ARHGEF12: variants seen among roughly 807,000 people sequenced by gnomAD.
The protein encoded by ARHGEF12 is KMT2A/ARHGEF12 fusion protein.
ARHGEF12 carries 66 observed loss-of-function variants against 211.2 expected under a neutral mutation model. The ratio of observed to expected loss-of-function variants is 0.31; its 90% CI spans 0.26 to 0.38. The LOEUF (loss-of-function observed/expected upper bound fraction) is 0.38, where lower values mean the gene tolerates loss of function less well. Ranked by LOEUF, ARHGEF12 falls within the 10% of genes least tolerant of loss-of-function variation. The pLI, the probability that ARHGEF12 is intolerant of heterozygous loss-of-function variation, is 1.00. For missense variants in ARHGEF12, 1,429 were observed against 1,869.5 expected, an observed-to-expected ratio of 0.76 and a Z score of 4.34; for synonymous variants, 592 against 638.4, an observed-to-expected ratio of 0.93 and a Z score of 1.09.
intron 1 of ARHGEF12, among the ~76,000 whole-genome samples, chr11:120,402,411 A>C (rs1055978141): frequency 1.3e-5 from 2 of 152,188 alleles, no homozygotes; most frequent in Non-Finnish European, 2.9e-5. Context: ...TATTTCACTC[A>C]AAATCAAGTT....
chr11:120,372,545 G>A (rs1246200725), intron 1 of ARHGEF12, among the ~76,000 whole-genome samples: 1 of 151,990 alleles, frequency 6.6e-6, no homozygotes, highest in Non-Finnish European at 1.5e-5. Context: ...ATACATCTAG[G>A]CAAGTAACCA....
chr11:120,356,176 T>C (rs546091609), intron 1 of ARHGEF12, among the ~76,000 whole-genome samples: 1 of 152,326 alleles, frequency 6.6e-6, no homozygotes, highest in Admixed American at 6.5e-5. Context: ...TTTTGTGTTT[T>C]TGTGTCTCTT....
intron 36 of ARHGEF12, among the ~76,000 whole-genome samples, chr11:120,477,876 A>AC (rs1947100848): frequency 6.9e-6 from 1 of 144,550 alleles, no homozygotes; most frequent in South Asian, 2.1e-4. Flanking sequence ...AAAAAAAAAG[A>AC]AAAAAAGAAA....
At chr11:120,472,947 G>A (rs547342846) in intron 30 of ARHGEF12, 103 bp from the exon 31 acceptor site, 76 of 1,062,122 alleles carry the variant, frequency 7.2e-5, no homozygotes, top group East Asian at 4.9e-4. Context: ...GAGCCACCAC[G>A]CCTGGCCAAA....
At chr11:120,439,855 G>A in intron 12 of ARHGEF12, 1 of 343,696 alleles carries the variant, frequency 2.9e-6, no homozygotes, top group East Asian at 5.4e-5. Context: ...ATAACCAAGT[G>A]TATAGTGAGC....
At chr11:120,457,309 G>T in intron 23 of ARHGEF12, 59 bp downstream of exon 23, 1 of 1,583,278 alleles carries the variant, frequency 6.3e-7, no homozygotes, top group Non-Finnish European at 8.6e-7. Context: ...TAAATTATAT[G>T]CTATTCCTAT....
chr11:120,408,558 C>T (rs1944784129), intron 3 of ARHGEF12: 1 of 151,848 alleles, frequency 6.6e-6, no homozygotes, highest in Non-Finnish European at 1.5e-5. Flanking sequence ...GTTGCCTGTC[C>T]CTTTGACAAG....
intron 26 of ARHGEF12, among the ~76,000 whole-genome samples, chr11:120,459,977 C>T (rs938424863): frequency 5.9e-5 from 9 of 152,308 alleles, no homozygotes; most frequent in African/African-American, 2.2e-4. Context: ...CTCCAAAGTG[C>T]TGGGATTATA....
Position 120,431,666 on chromosome 11 carries a change from G to A in ARHGEF12, c.784-105G>A, listed in dbSNP as rs1383118425. The A allele has an allele frequency of 4.8e-6, 6 of 1,239,810 alleles. No individual in the cohort carries two copies. The African/African-American group carries it at 7.6e-5, about 16-fold the overall frequency. 76.8% of individuals were successfully genotyped at this position (1,239,810 alleles called of 1,614,324 possible). A position where few individuals can be genotyped will look rare whatever the true frequency, so the allele number is the denominator to read the frequency against. On this transcript the variant is annotated intron_variant, in intron 10 of 40. Coordinates refer to ENST00000397843, the MANE Select transcript of ARHGEF12 (RefSeq NM_015313.3). Reference sequence around the variant, plus strand: ...AGCATATCAGAATGTCCAACTTTTAGTAGTCTCCATGTAGATTGTAGTACC... The same window carrying A: ...AGCATATCAGAATGTCCAACTTTTAATAGTCTCCATGTAGATTGTAGTACC...
intron 5 of ARHGEF12, 25 bp downstream of exon 5, chr11:120,420,876 A>G (rs1945164292): frequency 6.3e-7 from 1 of 1,577,922 alleles, no homozygotes; most frequent in East Asian, 2.2e-5. Flanking sequence ...AAAACAATTT[A>G]TCACTCAGTA....
chr11:120,429,125 G>A (rs1945447867), intron 8 of ARHGEF12, among the ~76,000 whole-genome samples: 1 of 152,122 alleles, frequency 6.6e-6, no homozygotes, highest in Admixed American at 6.5e-5. Flanking sequence ...CATGGGGATC[G>A]ATAGTAAAGA....
Position 120,451,566 on chromosome 11 carries a change from C to T in ARHGEF12, c.1898C>T (p.Pro633Leu), listed in dbSNP as rs756086671. 6.2e-7 allele frequency: 1 copy of T among 1,614,136 alleles called. No homozygotes were observed. Among genetic ancestry groups the T allele is most frequent in the Non-Finnish European group, 8.5e-7 (1 of 1,180,028 alleles). ...KARHPKHLST[P>L]SSVSPEPQDS... ...CGCCACCCTAAGCACTTATCCACAC[C>T]CTCATCTGTGAGTCCTGAACCTCAG... is the stretch of plus-strand genomic sequence containing the variant. Residue 633 changes from proline to leucine, a missense_variant, in exon 22 of 41, where the codon CCC becomes CTC. Pro to Leu is a moderately conservative substitution (Grantham distance 98). Around this residue, in one of 7 missense-constraint regions of ARHGEF12, gnomAD observed 373 missense variants for 467.5 expected, o/e 0.80. Coordinates refer to ENST00000397843, the MANE Select transcript of ARHGEF12 (RefSeq NM_015313.3).
intron 4 of ARHGEF12, among the ~76,000 whole-genome samples, chr11:120,415,338 A>C (rs901500662): frequency 6.6e-6 from 1 of 152,142 alleles, no homozygotes; most frequent in Non-Finnish European, 1.5e-5. Flanking sequence ...TTGTCCTGCC[A>C]GGATTTTATG....
intron 1 of ARHGEF12, among the ~76,000 whole-genome samples, chr11:120,390,914 A>G (rs1944196144): frequency 6.6e-6 from 1 of 152,216 alleles, no homozygotes; most frequent in Admixed American, 6.5e-5. Context: ...TTATAGAATT[A>G]TTGTTAAAAT....
intron 1 of ARHGEF12, among the ~76,000 whole-genome samples, chr11:120,383,298 C>A (rs1221220313): frequency 6.6e-6 from 1 of 151,798 alleles, no homozygotes; most frequent in African/African-American, 2.4e-5. Flanking sequence ...CACCAGGGAC[C>A]GGTTTTGTTG....
At chr11:120,443,190 T>G (rs11217869) in intron 15 of ARHGEF12, among the ~76,000 whole-genome samples, 28,288 of 151,830 alleles carry the variant, frequency 0.19, 2,988 homozygotes, top group Non-Finnish European at 0.23. Context: ...CCTGGCTAAT[T>G]TTTGTATTTT....
At chr11:120,429,075 T>A (rs549028737) in intron 8 of ARHGEF12, among the ~76,000 whole-genome samples, 1 of 152,272 alleles carries the variant, frequency 6.6e-6, no homozygotes, top group African/African-American at 2.4e-5. Flanking sequence ...GGGAGCTGTC[T>A]TCATATTTCA....
chr11:120,337,528 T>C, intron 1 of ARHGEF12: 1 of 985,398 alleles, frequency 1.0e-6, no homozygotes, highest in Non-Finnish European at 1.2e-6. Flanking sequence ...TGATTGTGGT[T>C]TTCCGCCTGT....
chr11:120,356,202 T>G (rs997121641), intron 1 of ARHGEF12, among the ~76,000 whole-genome samples: 1 of 152,192 alleles, frequency 6.6e-6, no homozygotes, highest in African/African-American at 2.4e-5. Flanking sequence ...CTACTTCTCC[T>G]TCACTCCATG....
Sources: gnomAD v4.1 joint callset for allele counts (sites outside exome capture counted in the v4.1 genomes callset) on GRCh38, gnomAD v4.1.1 for gene constraint, gnomAD v4.1.1 regional missense constraint, MANE v1.5 for transcripts, NCBI Gene and HGNC (gene_info 2026-07-23, HGNC 2026-07-21) for gene names.